Variants in C1orf141 observed in about 807,000 individuals in gnomAD.
C1orf141 encodes the protein chromosome 1 open reading frame 141, also known as uncharacterized protein C1orf141.
Under a neutral mutation model 23.2 loss-of-function variants are expected in C1orf141, and 19 were observed. That is an observed-to-expected ratio of 0.82 (90% confidence interval 0.57 to 1.20). The LOEUF (loss-of-function observed/expected upper bound fraction) is 1.20, where lower values mean the gene tolerates loss of function less well. Among genes scored for constraint, C1orf141 ranks in the 50% most tolerant of loss-of-function variants. The pLI is 0.00. For missense variants in C1orf141, 469 were observed against 455.1 expected, an observed-to-expected ratio of 1.03 and a Z score of -0.28; for synonymous variants, 153 against 154.6, an observed-to-expected ratio of 0.99 and a Z score of 0.08.
intron 1 of C1orf141, among the ~76,000 whole-genome samples, chr1:67,131,814 G>C (rs1305597801): frequency 7.0e-6 from 1 of 142,020 alleles, no homozygotes; most frequent in Non-Finnish European, 1.5e-5. Context: ...TTTTGAGATG[G>C]AGTCTCGCAG....
At chr1:67,095,586 G>C (rs1423701444) in intron 6 of C1orf141, 165 bp from the exon 7 acceptor site, 1 of 505,090 alleles carries the variant, frequency 2.0e-6, no homozygotes, top group Non-Finnish European at 3.5e-6. Context: ...CTGGTTTGTG[G>C]GAGAAAACAG....
chr1:67,103,369 C>T (rs1645848503), intron 5 of C1orf141: 2 of 1,383,720 alleles, frequency 1.4e-6, no homozygotes, highest in South Asian at 3.8e-5. Flanking sequence ...ATTCAAAGGC[C>T]CTGCATTTTC....
chr1:67,097,578 T>C (rs1355341911), intron 5 of C1orf141, among the ~76,000 whole-genome samples: 1 of 152,174 alleles, frequency 6.6e-6, no homozygotes, highest in African/African-American at 2.4e-5. Context: ...ACATAAGCCA[T>C]GGTGAAGAGT....
At chr1:67,114,826 C>A (rs972961354) in intron 5 of C1orf141, among the ~76,000 whole-genome samples, 1 of 152,198 alleles carries the variant, frequency 6.6e-6, no homozygotes, top group African/African-American at 2.4e-5. Context: ...CAGGCACGCA[C>A]CACCATGCCC....
intron 4 of C1orf141, among the ~76,000 whole-genome samples, chr1:67,117,084 G>C (rs946638481): frequency 2.0e-5 from 3 of 152,074 alleles, no homozygotes; most frequent in African/African-American, 7.2e-5. Context: ...TGGTATTTTA[G>C]CACCTATAGC....
chr1:67,137,919 T>G (rs567658870), upstream of C1orf141, among the ~76,000 whole-genome samples: 2 of 151,974 alleles, frequency 1.3e-5, no homozygotes, highest in African/African-American at 4.8e-5. Context: ...GAAAAGAGCA[T>G]TTTTTTTCCC....
intron 7 of C1orf141, chr1:67,093,853 T>G (rs1239169844): frequency 1.2e-5 from 3 of 242,234 alleles, no homozygotes. Flanking sequence ...AAATGTTTTT[T>G]GAAATAAATT....
chr1:67,130,227 A>G (rs1646492578), intron 2 of C1orf141, among the ~76,000 whole-genome samples: 1 of 152,190 alleles, frequency 6.6e-6, no homozygotes, highest in Non-Finnish European at 1.5e-5. Context: ...TGAGTTCAAG[A>G]GGGGGAGAAG....
intron 5 of C1orf141, among the ~76,000 whole-genome samples, chr1:67,102,019 C>T (rs531604935): frequency 2.6e-5 from 4 of 152,188 alleles, no homozygotes; most frequent in Admixed American, 6.5e-5. Flanking sequence ...TCCAAGCAAC[C>T]GCGTCCTTCA....
chr1:67,121,924 T>C (rs1185256280), intron 4 of C1orf141: 1 of 152,228 alleles, frequency 6.6e-6, no homozygotes, highest in Non-Finnish European at 1.5e-5. Context: ...TTAGACTGGC[T>C]TGTATAGGGA....
intron 7 of C1orf141, chr1:67,093,976 A>G (rs768746236): frequency 4.3e-4 from 67 of 154,704 alleles, no homozygotes; most frequent in Admixed American, 4.6e-4. Context: ...TAAAAAGCAT[A>G]CCAAAAAATG....
intron 4 of C1orf141, among the ~76,000 whole-genome samples, chr1:67,116,091 C>T (rs1186208995): frequency 6.6e-6 from 1 of 152,146 alleles, no homozygotes; most frequent in African/African-American, 2.4e-5. Context: ...AGACTCTAAC[C>T]TCTTCTCTGA....
chr1:67,126,010 A>C, intron 3 of C1orf141, 101 bp from the exon 4 acceptor site: 1 of 1,236,994 alleles, frequency 8.1e-7, no homozygotes, highest in Non-Finnish European at 1.1e-6. Context: ...TTACACACAC[A>C]CACACACAGA....
At chr1:67,125,387 ATAAAG>A (rs1488153578) in intron 4 of C1orf141, among the ~76,000 whole-genome samples, 3 of 152,334 alleles carry the variant, frequency 2.0e-5, no homozygotes, top group South Asian at 2.1e-4. Flanking sequence ...TAAGACAGAT[ATAAAG>A]TAATGTTTTA....
At chr1:67,111,389 A>G (rs1646069317) in intron 5 of C1orf141, among the ~76,000 whole-genome samples, 1 of 152,110 alleles carries the variant, frequency 6.6e-6, no homozygotes, top group South Asian at 2.1e-4. Flanking sequence ...AACAAATAAT[A>G]TATTATCTTC....
Position 67,093,191 on chromosome 1 carries a change from T to G in C1orf141, c.1017A>C (p.Glu339Asp). The G allele has an allele frequency of 6.3e-7, 1 of 1,584,644 alleles. No homozygotes were observed. ...CAAATTTTCCAGTTTGGGCACTCAT[T>G]TCATGAATAACAGCTTTATCAAGGT... ...VGYLDKAVIH[E>D]MSAQTGKFER... Residue 339 changes from glutamate (E) to aspartate (D), a missense_variant, in exon 8 of 8, where the codon GAA becomes GAC. Physicochemically the swap from Glu to Asp is conservative, Grantham distance 45 (BLOSUM62 2). This residue lies in a region of C1orf141 where 370 missense variants were observed against 348.1 expected (regional missense o/e 1.06). Transcript: ENST00000684719.
intron 4 of C1orf141, among the ~76,000 whole-genome samples, chr1:67,120,120 T>C (rs1024517535): frequency 2.6e-5 from 4 of 152,218 alleles, no homozygotes; most frequent in African/African-American, 9.6e-5. Context: ...TAGGATCTCA[T>C]AGAGTTTGCT....
intron 5 of C1orf141, among the ~76,000 whole-genome samples, chr1:67,108,376 C>T (rs954979888): frequency 6.6e-6 from 1 of 152,254 alleles, no homozygotes; most frequent in Admixed American, 6.5e-5. Context: ...TTCGTGAGGG[C>T]TCTGCCCCAT....
chr1:67,098,347 C>G (rs1023693781), intron 5 of C1orf141, among the ~76,000 whole-genome samples: 5 of 151,962 alleles, frequency 3.3e-5, no homozygotes, highest in Non-Finnish European at 5.9e-5. Flanking sequence ...ATGGTGAAAC[C>G]CCATCTCTAC....
Sources: allele counts gnomAD v4.1 joint callset (sites outside exome capture counted in the v4.1 genomes callset), GRCh38; gene constraint gnomAD v4.1.1; regional missense constraint gnomAD v4.1.1; transcripts MANE v1.5; gene names NCBI Gene and HGNC (gene_info 2026-07-23, HGNC 2026-07-21).